The following ABCC4 variants were observed in gnomAD, a reference collection of about 807,000 sequenced individuals.
ABCC4 encodes ATP binding cassette subfamily C member 4 (PEL blood group).
Under a neutral mutation model 168.5 loss-of-function variants are expected in ABCC4, and 102 were observed. That is an observed-to-expected ratio of 0.61 (90% CI 0.52 to 0.71). ABCC4 has a LOEUF of 0.71. ABCC4 is among the 30% of genes least tolerant of loss of function. ABCC4 has a pLI of 0.00. For missense variants in ABCC4, 1,402 were observed against 1,605.8 expected (o/e 0.87, Z 2.17); for synonymous variants, 617 against 590.7 (o/e 1.04, Z -0.65).
chr13:95,207,789 C>T lies in ABCC4; in HGVS notation c.911+11G>A. On this transcript the variant is annotated intron_variant, in intron 7 of 30. Coordinates refer to ENST00000645237, the MANE Select transcript of ABCC4 (RefSeq NM_005845.5). ...ATACAAAAATATGGTACAATGTATACAAAAACTTACTTTCTCAAATTGGTA... is the reference window on the plus strand; with the variant it reads ...ATACAAAAATATGGTACAATGTATATAAAAACTTACTTTCTCAAATTGGTA... 6.2e-7 allele frequency: 1 copy of T among 1,609,264 alleles called. No individual in the cohort carries two copies. The highest frequency in any genetic ancestry group is 8.5e-7 in the Non-Finnish European group (1 of 1,177,988).
chr13:95,196,684 GGAAGGAAGGAA>G, intron 8 of ABCC4, among the ~76,000 whole-genome samples: 1 of 50,860 alleles, frequency 2.0e-5, no homozygotes. Context: ...AAGGAAGGAA[GGAAGGAAGGAA>G]GGAAGGAAGG....
intron 3 of ABCC4, among the ~76,000 whole-genome samples, chr13:95,242,344 C>T (rs1460499112): frequency 6.6e-6 from 1 of 151,974 alleles, no homozygotes; most frequent in Non-Finnish European, 1.5e-5. Flanking sequence ...TCTCCTGCCT[C>T]AGCCTCCTGA....
At chr13:95,277,826 G>A (rs546094036) in intron 1 of ABCC4, among the ~76,000 whole-genome samples, 9 of 152,274 alleles carry the variant, frequency 5.9e-5, no homozygotes, top group Non-Finnish European at 7.4e-5. Flanking sequence ...AACGTGTCCC[G>A]CAGAAGGGAG....
intron 4 of ABCC4, among the ~76,000 whole-genome samples, chr13:95,212,147 T>C (rs9516538): frequency 0.75 from 110,742 of 146,696 alleles, 42,444 homozygotes; most frequent in Non-Finnish European, 0.83. Context: ...TGTACTCCAG[T>C]CTGGGTGACA....
chr13:95,056,481 A>G (rs1216903798), intron 26 of ABCC4, among the ~76,000 whole-genome samples: 1 of 152,200 alleles, frequency 6.6e-6, no homozygotes, highest in Non-Finnish European at 1.5e-5. Flanking sequence ...AGTCTTCTTT[A>G]GATACAAAAA....
At chr13:95,297,794 G>A (rs913695973) in intron 1 of ABCC4, among the ~76,000 whole-genome samples, 2 of 151,960 alleles carry the variant, frequency 1.3e-5, no homozygotes, top group Admixed American at 6.6e-5. Context: ...GTGTCCTTGG[G>A]GCACTGTTAG....
intron 30 of ABCC4, among the ~76,000 whole-genome samples, chr13:95,033,251 T>C (rs1361919272): frequency 6.6e-6 from 1 of 152,158 alleles, no homozygotes; most frequent in Non-Finnish European, 1.5e-5. Flanking sequence ...TTATTCTACC[T>C]ACAGTGATGA....
At chr13:95,192,448 C>T (rs969588341) in intron 9 of ABCC4, among the ~76,000 whole-genome samples, 1 of 152,050 alleles carries the variant, frequency 6.6e-6, no homozygotes, top group African/African-American at 2.4e-5. Context: ...ATCTAGGAAC[C>T]GAAAAACAAC....
intron 19 of ABCC4, among the ~76,000 whole-genome samples, chr13:95,133,770 T>C (rs1939421897): frequency 6.6e-6 from 1 of 152,016 alleles, no homozygotes; most frequent in African/African-American, 2.4e-5. Flanking sequence ...AGAAGGGTGC[T>C]GAAGGGACAC....
intron 9 of ABCC4, among the ~76,000 whole-genome samples, chr13:95,189,558 T>C (rs2038190707): frequency 6.6e-6 from 1 of 152,206 alleles, no homozygotes; most frequent in Non-Finnish European, 1.5e-5. Flanking sequence ...AGTCCTTGGC[T>C]AATGGATGAC....
At chr13:95,076,505 A>C (rs1339315339) in intron 21 of ABCC4, among the ~76,000 whole-genome samples, 2 of 131,934 alleles carry the variant, frequency 1.5e-5, no homozygotes, top group Non-Finnish European at 3.3e-5. Context: ...TGTGTGGTGT[A>C]GGTTTTTTTT....
chr13:95,181,679 T>C (rs1285007829), intron 11 of ABCC4, among the ~76,000 whole-genome samples: 2 of 152,130 alleles, frequency 1.3e-5, no homozygotes, highest in African/African-American at 2.4e-5. Flanking sequence ...GCCAAGTAAG[T>C]AGTGACCACA....
At chr13:95,175,187 C>T (rs1396508561) in intron 13 of ABCC4, among the ~76,000 whole-genome samples, 1 of 152,214 alleles carries the variant, frequency 6.6e-6, no homozygotes, top group Non-Finnish European at 1.5e-5. Flanking sequence ...ACACAGCCGA[C>T]TCGCTATCCA....
intron 13 of ABCC4, among the ~76,000 whole-genome samples, chr13:95,175,485 G>A (rs1450644400): frequency 1.3e-5 from 2 of 151,974 alleles, no homozygotes; most frequent in African/African-American, 4.8e-5. Flanking sequence ...ACTGATTTTT[G>A]TATTTTTAGT....
In ABCC4 at chr13:95,155,653, C is replaced by T. The variant is rs184813590; in HGVS notation, c.2455+5536G>A. Among the ~76,000 whole-genome samples the T allele has an allele frequency of 2.2e-3, 335 of 152,258 alleles. 1 individual carries two copies. The highest frequency in any genetic ancestry group is 7.4e-3 in the African/African-American group (306 of 41,540). The stretch of plus-strand genomic sequence containing the variant: ...TATACATACACACACATACTCCCCA[C>T]GCACACACTGGAGAAAAACCAGTTG... On this transcript the variant is annotated intron_variant, in intron 19 of 30. Transcript: ENST00000645237.
chr13:95,164,054 A>AAAAAAAAAAAAAAAAAGAAAG (rs59935866), intron 16 of ABCC4, among the ~76,000 whole-genome samples: 2 of 139,014 alleles, frequency 1.4e-5, no homozygotes, highest in Non-Finnish European at 3.0e-5. Context: ...AAAAAAAAAA[A>AAAAAAAAAAAAAAAAAGAAAG]AAAGAAAGAA....
intron 20 of ABCC4, among the ~76,000 whole-genome samples, chr13:95,110,986 A>G (rs1442602687): frequency 3.6e-4 from 8 of 22,522 alleles, no homozygotes; most frequent in Admixed American, 3.2e-3. Context: ...AAAAAGAAAG[A>G]AAAAAAAAAA....
chr13:95,248,900 T>G (rs1328503254), intron 1 of ABCC4, among the ~76,000 whole-genome samples: 1 of 151,858 alleles, frequency 6.6e-6, no homozygotes, highest in Non-Finnish European at 1.5e-5. Context: ...ATTAGCGAGG[T>G]GTGATGACAC....
intron 11 of ABCC4, among the ~76,000 whole-genome samples, chr13:95,181,783 C>A (rs1443894217): frequency 6.6e-6 from 1 of 152,238 alleles, no homozygotes; most frequent in Non-Finnish European, 1.5e-5. Flanking sequence ...GAACCAAGCT[C>A]ATCTCAGTTC....
Sources: gnomAD v4.1 joint callset for allele counts (sites outside exome capture counted in the v4.1 genomes callset) on GRCh38, gnomAD v4.1.1 for gene constraint, MANE v1.5 for transcripts, NCBI Gene and HGNC (gene_info 2026-07-23, HGNC 2026-07-21) for gene names.